The following RPS6KC1 variants were observed in gnomAD, a reference collection of about 807,000 sequenced individuals.
RPS6KC1 encodes ribosomal protein S6 kinase C1.
RPS6KC1 carries 54 observed loss-of-function variants against 103.8 expected under a neutral mutation model. The ratio of observed to expected loss-of-function variants is 0.52; its 90% confidence interval spans 0.42 to 0.65. RPS6KC1 has a LOEUF of 0.65. Among genes scored for constraint, RPS6KC1 ranks in the 30% least tolerant of loss-of-function variants. The pLI is 0.00. For synonymous variants in RPS6KC1, 439 were observed against 438.7 expected (o/e 1.00, Z -0.01); for missense variants, 1,151 against 1,253.8 (o/e 0.92, Z 1.24).
chr1:213,126,812 T>C (rs550889155), intron 5 of RPS6KC1, among the ~76,000 whole-genome samples: 1 of 152,088 alleles, frequency 6.6e-6, no homozygotes, highest in East Asian at 1.9e-4. Flanking sequence ...CTATGGCTGC[T>C]TTTGCACTAC....
chr1:213,377,609 A>G, the RPS6KC1 span, among the ~76,000 whole-genome samples: 1 of 152,218 alleles, frequency 6.6e-6, no homozygotes, highest in African/African-American at 2.4e-5. Context: ...TTGAATAATA[A>G]TAAGTGAATA....
chr1:213,142,044 C>CTGGGTGCTCCATTGT (rs1190822037), intron 6 of RPS6KC1, among the ~76,000 whole-genome samples: 1 of 152,056 alleles, frequency 6.6e-6, no homozygotes, highest in African/African-American at 2.4e-5. Context: ...TTTCGAGAAT[C>CTGGGTGCTCCATTGT]TGGGTGCTCC....
the RPS6KC1 span, among the ~76,000 whole-genome samples, chr1:213,445,381 A>G: frequency 6.6e-6 from 1 of 152,206 alleles, no homozygotes; most frequent in Non-Finnish European, 1.5e-5. Flanking sequence ...TGGTGACTTT[A>G]TTTTTAAGAA....
At chr1:213,681,121 G>A in the RPS6KC1 span, among the ~76,000 whole-genome samples, 4 of 152,102 alleles carry the variant, frequency 2.6e-5, no homozygotes, top group Non-Finnish European at 4.4e-5. Flanking sequence ...GTGGCTTCCC[G>A]CTCAGTAGCA....
the RPS6KC1 span, among the ~76,000 whole-genome samples, chr1:213,773,930 A>C: frequency 6.6e-6 from 1 of 152,240 alleles, no homozygotes; most frequent in African/African-American, 2.4e-5. Context: ...GAAACTAACC[A>C]TCACAGCAAC....
the RPS6KC1 span, among the ~76,000 whole-genome samples, chr1:213,834,082 A>G: frequency 5.3e-5 from 8 of 152,218 alleles, no homozygotes; most frequent in Non-Finnish European, 1.2e-4. Flanking sequence ...ATTATTTCCT[A>G]GGCTGGAGTG....
In RPS6KC1 at chr1:213,176,450, C is replaced by T. The variant is rs144315266; in HGVS notation, c.1002C>T (p.Ala334=). The T allele has an allele frequency of 1.6e-4, 260 of 1,608,942 alleles. 1 individual carries two copies. The African/African-American group carries it at 3.1e-3, about 19-fold the overall frequency. ...CCCTTTGGAACCTAAGGAGCCCTGC[C>T]GAGGAGCTGAAGGCCTTCAGAGTCC... The part of the protein sequence containing the change: ...SRPLWNLRSP[A]EELKAFRVLG... Residue 334 remains alanine (A), a synonymous_variant, in exon 8 of 15, where the codon GCC becomes GCT. Transcript: ENST00000366960.
At chr1:213,515,027 CT>C in the RPS6KC1 span, among the ~76,000 whole-genome samples, 2 of 152,190 alleles carry the variant, frequency 1.3e-5, no homozygotes, top group African/African-American at 4.8e-5. Flanking sequence ...TAAATGTCTT[CT>C]TTTGAGAAGT....
At chr1:213,351,961 A>T in the RPS6KC1 span, among the ~76,000 whole-genome samples, 1 of 151,626 alleles carries the variant, frequency 6.6e-6, no homozygotes, top group Admixed American at 6.6e-5. Context: ...GTGGGAGGAC[A>T]CTTCAGGATT....
chr1:213,677,168 C>T, the RPS6KC1 span, among the ~76,000 whole-genome samples: 1 of 152,198 alleles, frequency 6.6e-6, no homozygotes, highest in Non-Finnish European at 1.5e-5. Context: ...TTCTCTCTTG[C>T]CTTCTCCATC....
chr1:213,487,561 C>T, the RPS6KC1 span, among the ~76,000 whole-genome samples: 1 of 151,982 alleles, frequency 6.6e-6, no homozygotes, highest in Non-Finnish European at 1.5e-5. Context: ...AATTCCTTCT[C>T]AATCCTCTTA....
the RPS6KC1 span, among the ~76,000 whole-genome samples, chr1:213,526,485 G>A: frequency 6.6e-6 from 1 of 152,194 alleles, no homozygotes; most frequent in Non-Finnish European, 1.5e-5. Context: ...GAGGGGAGGA[G>A]AGTTGAATTT....
chr1:213,429,455 C>T, the RPS6KC1 span, among the ~76,000 whole-genome samples: 1 of 152,134 alleles, frequency 6.6e-6, no homozygotes, highest in Admixed American at 6.5e-5. Context: ...GCCAACATTT[C>T]TGGAGTGGGG....
chr1:213,779,914 G>C, the RPS6KC1 span, among the ~76,000 whole-genome samples: 1 of 152,178 alleles, frequency 6.6e-6, no homozygotes, highest in Non-Finnish European at 1.5e-5. Context: ...TTGAGGAGAA[G>C]ACTCTCCCTG....
At chr1:213,799,082 G>C in the RPS6KC1 span, among the ~76,000 whole-genome samples, 1 of 152,176 alleles carries the variant, frequency 6.6e-6, no homozygotes, top group African/African-American at 2.4e-5. Context: ...GTTACTCTAA[G>C]TGTTCATTTG....
At chr1:213,476,383 TAA>T in the RPS6KC1 span, among the ~76,000 whole-genome samples, 1 of 152,156 alleles carries the variant, frequency 6.6e-6, no homozygotes, top group Non-Finnish European at 1.5e-5. Flanking sequence ...AGTGAGGAGT[TAA>T]AGTCATATCA....
At chr1:213,440,484 G>A in the RPS6KC1 span, among the ~76,000 whole-genome samples, 1 of 147,668 alleles carries the variant, frequency 6.8e-6, no homozygotes, top group African/African-American at 2.5e-5. Flanking sequence ...ATATAAACAA[G>A]TAACTCTCTT....
At chr1:213,183,402 C>T (rs553902014) in intron 8 of RPS6KC1, among the ~76,000 whole-genome samples, 13 of 152,046 alleles carry the variant, frequency 8.6e-5, no homozygotes, top group Non-Finnish European at 1.5e-4. Flanking sequence ...TTTCTAGGGC[C>T]GAAAAACCTC....
the RPS6KC1 span, among the ~76,000 whole-genome samples, chr1:213,587,832 A>C: frequency 6.6e-6 from 1 of 152,150 alleles, no homozygotes; most frequent in African/African-American, 2.4e-5. Flanking sequence ...TTATCTCCCC[A>C]CCCTCAACTC....
Sources: allele counts gnomAD v4.1 joint callset (sites outside exome capture counted in the v4.1 genomes callset), GRCh38; gene constraint gnomAD v4.1.1; transcripts MANE v1.5; gene names NCBI Gene and HGNC (gene_info 2026-07-23, HGNC 2026-07-21).